The following AK5 variants were observed in gnomAD, a reference collection of about 807,000 sequenced individuals.
AK5 encodes the protein adenylate kinase 5.
In AK5, 27 loss-of-function variants were observed where a neutral mutation model predicts 69.5. That is an observed-to-expected ratio of 0.39 (90% CI 0.29 to 0.54). AK5 has a LOEUF of 0.54. Ranked by LOEUF, AK5 falls within the 20% of genes least tolerant of loss-of-function variation. The pLI is 0.71. For missense variants in AK5, 531 were observed against 700.4 expected (o/e 0.76, Z 2.73); for synonymous variants, 260 against 244.4 (o/e 1.06, Z -0.60).
At chr1:77,325,431 GC>G (rs1660751277) in intron 5 of AK5, among the ~76,000 whole-genome samples, 1 of 151,838 alleles carries the variant, frequency 6.6e-6, no homozygotes. Context: ...ATTTTTGCCT[GC>G]CAGGACACAA....
intron 3 of AK5, 37 bp downstream of exon 3, chr1:77,293,997 CT>C (rs1382289937): frequency 1.9e-6 from 3 of 1,579,534 alleles, no homozygotes; most frequent in Non-Finnish European, 2.6e-6. Flanking sequence ...CATACCGTTG[CT>C]GCCTTTGTTT....
chr1:77,551,517 G>A (rs1451741473), intron 13 of AK5, among the ~76,000 whole-genome samples: 1 of 152,086 alleles, frequency 6.6e-6, no homozygotes, highest in Non-Finnish European at 1.5e-5. Context: ...CCATATTTAA[G>A]CCACACAACA....
intron 8 of AK5, among the ~76,000 whole-genome samples, chr1:77,450,209 A>G (rs765974195): frequency 1.6e-4 from 24 of 152,304 alleles, no homozygotes; most frequent in Non-Finnish European, 2.9e-4. Flanking sequence ...AAGCCATTCA[A>G]CAAGTCTCTA....
At chr1:77,558,035 T>A (rs1457304727) in intron 13 of AK5, among the ~76,000 whole-genome samples, 1 of 152,120 alleles carries the variant, frequency 6.6e-6, no homozygotes, top group Non-Finnish European at 1.5e-5. Flanking sequence ...GTAATATATA[T>A]TTAAGTTTAG....
intron 6 of AK5, among the ~76,000 whole-genome samples, chr1:77,374,450 A>T (rs1486755000): frequency 1.3e-5 from 2 of 149,132 alleles, no homozygotes; most frequent in African/African-American, 2.5e-5. Context: ...AACCAAGAGA[A>T]GGAAGCCCAA....
At chr1:77,524,332 T>G (rs893683128) in intron 12 of AK5, among the ~76,000 whole-genome samples, 2 of 152,192 alleles carry the variant, frequency 1.3e-5, no homozygotes, top group African/African-American at 4.8e-5. Flanking sequence ...GGTAATTCTA[T>G]TTTTAATTTT....
chr1:77,367,749 T>TATATGTTATATATA (rs1557533685), intron 6 of AK5, among the ~76,000 whole-genome samples: 1 of 46,698 alleles, frequency 2.1e-5, no homozygotes, highest in Non-Finnish European at 3.6e-5. Flanking sequence ...TTATATGTTA[T>TATATGTTATATATA]ATATGTTATA....
intron 10 of AK5, among the ~76,000 whole-genome samples, chr1:77,510,751 TAA>T (rs927507143): frequency 6.6e-6 from 1 of 152,058 alleles, no homozygotes; most frequent in African/African-American, 2.4e-5. Flanking sequence ...GCTGCTATTA[TAA>T]AGTGTCTATT....
At chr1:77,528,340 A>G (rs1285106111) in intron 12 of AK5, among the ~76,000 whole-genome samples, 1 of 152,172 alleles carries the variant, frequency 6.6e-6, no homozygotes, top group Admixed American at 6.5e-5. Context: ...AGAGGTTTTA[A>G]CCAGCCCACA....
intron 13 of AK5, among the ~76,000 whole-genome samples, chr1:77,548,315 G>A (rs570283578): frequency 6.6e-6 from 1 of 152,260 alleles, no homozygotes; most frequent in South Asian, 2.1e-4. Context: ...GACTGGATAT[G>A]TGAACTGGAT....
rs943703358 is a variant in AK5 at position 77,435,841 on chromosome 1, A to T, written c.1059+18126A>T. 2.0e-5 allele frequency among the ~76,000 whole-genome samples: 3 copies of T among 152,334 alleles called. No individual in the cohort carries two copies. In the East Asian group the frequency reaches 5.8e-4, roughly 29 times the overall value. On this transcript the variant is annotated intron_variant, in intron 8 of 13. Transcript: ENST00000354567. ...TTTTAACTTATAAACTAAGTTATGT[A>T]TATAATCCTTAATCCTTAGAAAGAT... is the stretch of plus-strand genomic sequence containing the variant.
At chr1:77,474,768 T>G (rs959633313) in intron 8 of AK5, among the ~76,000 whole-genome samples, 31 of 152,202 alleles carry the variant, frequency 2.0e-4, no homozygotes, top group African/African-American at 7.2e-4. Flanking sequence ...TTTTTCTCCC[T>G]GAAAACACAC....
At chr1:77,284,477 C>T (rs979940012) in intron 1 of AK5, among the ~76,000 whole-genome samples, 6 of 152,110 alleles carry the variant, frequency 3.9e-5, no homozygotes, top group Non-Finnish European at 8.8e-5. Context: ...ATCTAACTGA[C>T]CTTTTCAGAT....
intron 5 of AK5, among the ~76,000 whole-genome samples, chr1:77,305,940 A>C (rs1053019795): frequency 6.6e-6 from 1 of 151,782 alleles, no homozygotes; most frequent in East Asian, 1.9e-4. Context: ...GGTAGTATGG[A>C]TATTTTGACA....
intron 12 of AK5, among the ~76,000 whole-genome samples, chr1:77,529,454 A>T (rs1309823273): frequency 6.6e-6 from 1 of 151,252 alleles, no homozygotes; most frequent in African/African-American, 2.4e-5. Context: ...CTGCCTCAGC[A>T]GCGGGGATTA....
In AK5 at chr1:77,374,418, C is replaced by CTT. The variant is rs34141642; in HGVS notation, c.891+33867_891+33868dup. Among the ~76,000 whole-genome samples, 240 of 138,742 alleles carry CTT rather than the reference C, an allele frequency of 1.7e-3. 2 individuals are homozygous for CTT. The highest frequency in any genetic ancestry group is 3.1e-3 in the African/African-American group (115 of 37,594). 91.0% of individuals were successfully genotyped at this position (138,742 alleles called of 152,430 possible). A position where few individuals can be genotyped will look rare whatever the true frequency, so the allele number is the denominator to read the frequency against. On this transcript the variant is annotated intron_variant, in intron 6 of 13. Coordinates refer to ENST00000354567, the MANE Select transcript of AK5 (RefSeq NM_174858.3). ...TCCTTTTATGCCAATTGAGGTAATG[C>CTT]TTTTTTTTTTTTTTTTTTAAGAACC...
chr1:77,463,873 A>T (rs914321667), intron 8 of AK5, among the ~76,000 whole-genome samples: 1 of 152,286 alleles, frequency 6.6e-6, no homozygotes, highest in African/African-American at 2.4e-5. Flanking sequence ...TACACTCCTC[A>T]TCCAATCACC....
intron 8 of AK5, among the ~76,000 whole-genome samples, chr1:77,427,126 G>A (rs1204113327): frequency 6.6e-6 from 1 of 151,490 alleles, no homozygotes; most frequent in African/African-American, 2.4e-5. Flanking sequence ...TCCAAAGTAA[G>A]CCAAAGAAAA....
intron 10 of AK5, among the ~76,000 whole-genome samples, chr1:77,494,857 C>G (rs889516003): frequency 4.6e-5 from 7 of 151,574 alleles, no homozygotes; most frequent in Non-Finnish European, 7.4e-5. Flanking sequence ...TCTGAACTCA[C>G]TACAAGCTCC....
Sources: allele counts gnomAD v4.1 joint callset (sites outside exome capture counted in the v4.1 genomes callset), GRCh38; gene constraint gnomAD v4.1.1; transcripts MANE v1.5; gene names NCBI Gene and HGNC (gene_info 2026-07-23, HGNC 2026-07-21).